The following INPP4B variants were observed in gnomAD, a reference collection of about 807,000 sequenced individuals.
The protein encoded by INPP4B is inositol polyphosphate-4-phosphatase type II B, also known as inositol polyphosphate 4-phosphatase type II.
A neutral mutation model predicts 122.5 loss-of-function variants in INPP4B; 55 were observed. The observed-to-expected ratio is 0.45, with a 90% CI of 0.36 to 0.56. INPP4B has a LOEUF of 0.56. INPP4B is among the 20% of genes least tolerant of loss of function. The pLI is 0.00. For missense variants in INPP4B, 1,000 were observed against 1,097.7 expected, an observed-to-expected ratio of 0.91 and a Z score of 1.26; for synonymous variants, 403 against 388.7, an observed-to-expected ratio of 1.04 and a Z score of -0.43.
intron 7 of INPP4B, among the ~76,000 whole-genome samples, chr4:142,352,502 A>T (rs931734216): frequency 6.6e-6 from 1 of 151,356 alleles, no homozygotes; most frequent in African/African-American, 2.4e-5. Flanking sequence ...TCATATATAT[A>T]TATTACTTTT....
intron 15 of INPP4B, among the ~76,000 whole-genome samples, chr4:142,191,337 G>A (rs1835740579): frequency 6.6e-6 from 1 of 152,118 alleles, no homozygotes; most frequent in Non-Finnish European, 1.5e-5. Flanking sequence ...AAAGAACCTG[G>A]AACAGGGTGG....
At chr4:142,121,049 C>A (rs1796340933) in intron 21 of INPP4B, among the ~76,000 whole-genome samples, 1 of 152,086 alleles carries the variant, frequency 6.6e-6, no homozygotes, top group African/African-American at 2.4e-5. Flanking sequence ...GCCTGGTAAG[C>A]TTCCCTTAAA....
intron 3 of INPP4B, 86 bp from the exon 4 acceptor site, chr4:142,431,471 C>T (rs1809276938): frequency 3.6e-6 from 2 of 548,594 alleles, no homozygotes; most frequent in Non-Finnish European, 6.5e-6. Flanking sequence ...ACTGCAACTA[C>T]ATTCAAATAA....
chr4:142,624,038 T>C (rs1217598353), intron 2 of INPP4B, among the ~76,000 whole-genome samples: 1 of 152,068 alleles, frequency 6.6e-6, no homozygotes, highest in African/African-American at 2.4e-5. Context: ...TACGTGTGCA[T>C]GTGTCTTTAA....
intron 18 of INPP4B, among the ~76,000 whole-genome samples, chr4:142,131,956 C>CAA (rs1368996219): frequency 0.014 from 1,473 of 104,690 alleles, 29 homozygotes; most frequent in African/African-American, 0.049. Context: ...ACTTTGTTTC[C>CAA]AAAAAAAAAA....
chr4:142,306,278 T>A (rs1389835056), intron 8 of INPP4B, among the ~76,000 whole-genome samples: 1 of 151,756 alleles, frequency 6.6e-6, no homozygotes, highest in African/African-American at 2.4e-5. Context: ...ATCATCTCTT[T>A]CTAATATCCC....
chr4:142,680,083 G>A (rs1056866782), intron 2 of INPP4B, among the ~76,000 whole-genome samples: 6 of 151,742 alleles, frequency 4.0e-5, no homozygotes, highest in African/African-American at 1.5e-4. Context: ...TTTGAGTTCT[G>A]ATTTAGAGCT....
intron 11 of INPP4B, among the ~76,000 whole-genome samples, chr4:142,245,055 C>A (rs1727227129): frequency 6.6e-6 from 1 of 152,050 alleles, no homozygotes; most frequent in Admixed American, 6.6e-5. Flanking sequence ...TATTCTTTGC[C>A]CACTTTTGGA....
chr4:142,489,406 T>G (rs1023232728), intron 2 of INPP4B, among the ~76,000 whole-genome samples: 2 of 152,134 alleles, frequency 1.3e-5, no homozygotes, highest in Admixed American at 1.3e-4. Flanking sequence ...TTGTTTTTGT[T>G]TTTTTGAGAT....
At chr4:142,794,402 A>C (rs563216465) in intron 1 of INPP4B, among the ~76,000 whole-genome samples, 2 of 152,090 alleles carry the variant, frequency 1.3e-5, no homozygotes, top group East Asian at 3.9e-4. Flanking sequence ...AAAAGGATGG[A>C]CTTTTCAGTA....
Position 142,640,378 on chromosome 4 carries a change from T to C in INPP4B, c.-191+85461A>G, listed in dbSNP as rs1750125477. On this transcript the variant is annotated intron_variant, in intron 2 of 25. Coordinates refer to ENST00000262992, the MANE Select transcript of INPP4B (RefSeq NM_001101669.3). ...GAATAGGTAAGTGGAATAAATGGAA[T>C]AATTAATATATGGATAGTTGAATTA... 3.9e-5 allele frequency among the ~76,000 whole-genome samples: 6 copies of C among 152,242 alleles called. No individual in the cohort carries two copies. The South Asian group carries it at 1.2e-3, about 32-fold the overall frequency.
rs183221716 is a variant in INPP4B, at chr4:142,212,117, G to A, written c.837-3091C>T. On this transcript the variant is annotated intron_variant, in intron 12 of 25. Transcript: ENST00000262992. The stretch of plus-strand genomic sequence containing the variant: ...CTGGGCCCAGGACAGACAACCCCGT[G>A]TACAACTCAGATGTACTTGTACCAT... Among the ~76,000 whole-genome samples the A allele has an allele frequency of 9.2e-5, 14 of 152,170 alleles. No homozygotes were observed. The East Asian group carries it at 2.5e-3, about 27-fold the overall frequency.
chr4:142,074,844 C>T (rs895801146), intron 25 of INPP4B, among the ~76,000 whole-genome samples: 3 of 151,582 alleles, frequency 2.0e-5, no homozygotes, highest in Admixed American at 6.6e-5. Flanking sequence ...AATGAATAAG[C>T]ACTACTCTTA....
At chr4:142,599,441 C>T (rs1243882714) in intron 2 of INPP4B, among the ~76,000 whole-genome samples, 1 of 152,152 alleles carries the variant, frequency 6.6e-6, no homozygotes, top group Non-Finnish European at 1.5e-5. Context: ...CACAAAAAAT[C>T]ATACAGAGAA....
rs1749362668 is a variant in INPP4B, at chr4:142,637,264, A to G, written c.-191+88575T>C. Among the ~76,000 whole-genome samples, 3 of 152,274 alleles carry G rather than the reference A, an allele frequency of 2.0e-5. No homozygotes were observed. In the South Asian group the frequency reaches 6.2e-4, roughly 32 times the overall value. Reference sequence around the variant, plus strand: ...TTGTATATTCTATGGGTTTTGACATATGTATAATGAGGATATACACCATTG... The same window carrying G: ...TTGTATATTCTATGGGTTTTGACATGTGTATAATGAGGATATACACCATTG... On this transcript the variant is annotated intron_variant, in intron 2 of 25. Coordinates refer to ENST00000262992, the MANE Select transcript of INPP4B (RefSeq NM_001101669.3).
chr4:142,071,986 G>T, intron 25 of INPP4B, among the ~76,000 whole-genome samples: 1 of 151,974 alleles, frequency 6.6e-6, no homozygotes, highest in East Asian at 1.9e-4. Flanking sequence ...CCCATTACTG[G>T]GTATATACCC....
intron 2 of INPP4B, among the ~76,000 whole-genome samples, chr4:142,467,438 GC>G (rs946106135): frequency 6.6e-6 from 1 of 152,036 alleles, no homozygotes; most frequent in Non-Finnish European, 1.5e-5. Flanking sequence ...GGGGCCTATT[GC>G]CCCCCTTTTT....
chr4:142,398,148 G>A (rs1475994100), intron 7 of INPP4B, among the ~76,000 whole-genome samples: 1 of 151,184 alleles, frequency 6.6e-6, no homozygotes, highest in African/African-American at 2.4e-5. Flanking sequence ...GGCCGAGGCC[G>A]GCGGATCACG....
intron 1 of INPP4B, among the ~76,000 whole-genome samples, chr4:142,844,723 C>T (rs1263350792): frequency 2.0e-5 from 3 of 152,258 alleles, no homozygotes; most frequent in African/African-American, 7.2e-5. Context: ...GCCAGCTGCC[C>T]TGTTGATGAT....
Sources: gnomAD v4.1 joint callset for allele counts (sites outside exome capture counted in the v4.1 genomes callset) on GRCh38, gnomAD v4.1.1 for gene constraint, MANE v1.5 for transcripts, NCBI Gene and HGNC (gene_info 2026-07-23, HGNC 2026-07-21) for gene names.